The following IL1A variants were observed in gnomAD, a reference collection of about 807,000 sequenced individuals.
The protein encoded by IL1A is interleukin-1 alpha.
A neutral mutation model predicts 22.2 loss-of-function variants in IL1A; 16 were observed. The observed-to-expected ratio is 0.72, with a 90% CI of 0.49 to 1.09. The LOEUF (loss-of-function observed/expected upper bound fraction) is 1.09. Among genes scored for constraint, IL1A ranks in the 50% least tolerant of loss-of-function variants. IL1A has a pLI of 0.00. For synonymous variants in IL1A, 113 were observed against 118.5 expected (o/e 0.95, Z 0.30); for missense variants, 317 against 321.8 (o/e 0.99, Z 0.11).
intron 3 of IL1A, 79 bp downstream of exon 3, chr2:112,782,637 A>G: frequency 9.6e-7 from 1 of 1,039,348 alleles, no homozygotes; most frequent in East Asian, 2.4e-5. Flanking sequence ...TGAAGATTCA[A>G]GTCATTGCTG....
intron 4 of IL1A, among the ~76,000 whole-genome samples, chr2:112,779,922 G>A (rs1681167483): frequency 6.6e-6 from 1 of 152,110 alleles, no homozygotes; most frequent in Admixed American, 6.5e-5. Context: ...GACTATTTGT[G>A]CAACTTTTTC....
intron 4 of IL1A, among the ~76,000 whole-genome samples, chr2:112,781,306 G>A (rs1368625835): frequency 1.3e-5 from 2 of 152,158 alleles, no homozygotes; most frequent in African/African-American, 4.8e-5. Flanking sequence ...GTTAGTATGA[G>A]AGGAACATAG....
At chr2:112,779,099 T>C (rs1681149825) in intron 5 of IL1A, among the ~76,000 whole-genome samples, 1 of 152,226 alleles carries the variant, frequency 6.6e-6, no homozygotes, top group South Asian at 2.1e-4. Context: ...GTGAGTTTGA[T>C]CAACAGACTT....
In IL1A at chr2:112,779,675, A is replaced by G. The variant is rs1681162936; in HGVS notation, c.320-9T>C. ...CCTAGGCTTGATGATTTCTAAAACC[A>G]TGATCACAAGTGCAGATTAATGTCT... On this transcript the variant is annotated splice_polypyrimidine_tract_variant and intron_variant, in intron 4 of 6. Transcript: ENST00000263339. 2 of 1,592,138 alleles carry G rather than the reference A, an allele frequency of 1.3e-6. No homozygotes were observed. The highest frequency in any genetic ancestry group is 1.1e-5 in the South Asian group (1 of 89,894).
chr2:112,782,754 C>T lies in IL1A; in HGVS notation c.58G>A (p.Glu20Lys), dbSNP rs1681235609. 1.2e-6 allele frequency: 2 copies of T among 1,607,864 alleles called. No homozygotes were observed. The highest frequency in any genetic ancestry group is 3.3e-4 in the Middle Eastern group (2 of 6,054). Residue 20 changes from glutamate to lysine, a missense_variant, in exon 3 of 7, where the codon GAA (glutamate) becomes AAA (lysine). Glu to Lys is a moderately conservative substitution (Grantham distance 56). Transcript: ENST00000263339. ...AGATGATCAATGGAGGAACTGTCTTCTTCATTTTCACTGTCAAAATAAGAT... is the reference window on the plus strand; with the variant it reads ...AGATGATCAATGGAGGAACTGTCTTTTTCATTTTCACTGTCAAAATAAGAT... ...DLKNCYSENE[E>K]DSSSIDHLSL...
chr2:112,784,294 CTG>C (rs1681263646), intron 1 of IL1A, 147 bp downstream of exon 1: 1 of 152,910 alleles, frequency 6.5e-6, no homozygotes, highest in Non-Finnish European at 1.5e-5. Context: ...TGAAATCTGA[CTG>C]TAATTCTAGG....
intron 6 of IL1A, among the ~76,000 whole-genome samples, chr2:112,776,122 C>G (rs1681097758): frequency 6.6e-6 from 1 of 152,120 alleles, no homozygotes; most frequent in African/African-American, 2.4e-5. Flanking sequence ...TTTCCTTACC[C>G]CACCCCCATG....
intron 6 of IL1A, 52 bp from the exon 7 acceptor site, chr2:112,775,319 A>G: frequency 6.9e-7 from 1 of 1,446,088 alleles, no homozygotes; most frequent in Non-Finnish European, 9.7e-7. Context: ...TAGAAAAAGG[A>G]CTGAAGCTCA....
At chr2:112,778,195 TGTG>T (rs1681134196) in intron 5 of IL1A, 84 bp from the exon 6 acceptor site, 18 of 136,366 alleles carry the variant, frequency 1.3e-4, no homozygotes, top group Non-Finnish European at 2.0e-4. Context: ...GTGTGCATGG[TGTG>T]TGTGTGTGTG....
intron 4 of IL1A, among the ~76,000 whole-genome samples, chr2:112,780,512 A>G (rs756297847): frequency 5.3e-5 from 8 of 152,232 alleles, no homozygotes; most frequent in Non-Finnish European, 1.2e-4. Flanking sequence ...CTTGTACAGT[A>G]AAGGGATGGA....
chr2:112,782,747 C>T lies in IL1A; in HGVS notation c.65G>A (p.Ser22Asn), dbSNP rs755667464. The change falls in exon 3 of 7, where the codon AGT (serine) becomes AAT (asparagine). Residue 22 changes from serine (S) to asparagine (N), a missense_variant. Transcript: ENST00000263339. ...KNCYSENEED[S>N]SSIDHLSLNQ... ...CAGAGACAGATGATCAATGGAGGAA[C>T]TGTCTTCTTCATTTTCACTGTCAAA... 9.9e-6 allele frequency: 16 copies of T among 1,608,606 alleles called. No individual in the cohort carries two copies. The South Asian group carries it at 1.8e-4, about 18-fold the overall frequency.
Position 112,774,961 on chromosome 2 carries a change from A to G in IL1A, c.*106T>C. 3 of 793,612 alleles carry G rather than the reference A, an allele frequency of 3.8e-6. No individual in the cohort carries two copies. The highest frequency in any genetic ancestry group is 6.3e-6 in the Non-Finnish European group (3 of 472,984). The allele number at this position is 793,612 out of a possible 1,614,324, so 49.2% of individuals were successfully genotyped here. On this transcript the variant is annotated 3_prime_UTR_variant, in exon 7 of 7. Coordinates refer to ENST00000263339, the MANE Select transcript of IL1A (RefSeq NM_000575.5). ...ACATTCATTTAGAATTACAAGGCTC[A>G]GTACATGCTCAGCAAATGACTAACA...
At chr2:112,783,840 G>T in intron 1 of IL1A, 62 bp from the exon 2 acceptor site, 1 of 1,422,682 alleles carries the variant, frequency 7.0e-7, no homozygotes, top group Non-Finnish European at 9.9e-7. Flanking sequence ...TATCTGTGAG[G>T]GGAGCCCCTC....
rs1406929969 is a variant in IL1A at position 112,779,504 on chromosome 2, T to A, written c.482A>T (p.Asp161Val). The change falls in exon 5 of 7, where the codon GAT becomes GTT. Residue 161 changes from aspartate to valine, a missense_variant. Transcript: ENST00000263339. ...GTGCCATTTTAATGTACCTGCTTCA[T>A]CCAGATTATGTAATGCAGCAGCCGT... Reference protein sequence around the residue: ...YLTAAALHNLDEAVKFDMGAY... With the variant: ...YLTAAALHNLVEAVKFDMGAY... 2 of 1,579,328 alleles carry A rather than the reference T, an allele frequency of 1.3e-6. No homozygotes were observed. Among genetic ancestry groups the A allele is most frequent in the South Asian group, 2.3e-5 (2 of 88,886 alleles).
chr2:112,782,823 A>G (rs1050537964), intron 2 of IL1A, 59 bp from the exon 3 acceptor site: 21 of 1,210,464 alleles, frequency 1.7e-5, no homozygotes, highest in Admixed American at 1.0e-4. Flanking sequence ...TCTCTGGCCA[A>G]TGTACTTTAA....
At chr2:112,782,421 G>A (rs543600589) in intron 3 of IL1A, among the ~76,000 whole-genome samples, 3 of 152,320 alleles carry the variant, frequency 2.0e-5, no homozygotes, top group East Asian at 1.9e-4. Flanking sequence ...CTGGTGAAGC[G>A]GCCTGCGGGG....
chr2:112,774,896 T>C lies in IL1A; in HGVS notation c.*171A>G, dbSNP rs1360561345. The stretch of plus-strand genomic sequence containing the variant: ...ATAGGGTGTTCTTTAAATAACAACA[T>C]TATATGTTAGTGTTGGTTCCACTCT... On this transcript the variant is annotated 3_prime_UTR_variant, in exon 7 of 7. Transcript: ENST00000263339. 4 of 590,364 alleles carry C rather than the reference T, an allele frequency of 6.8e-6. No homozygotes were observed. The East Asian group carries it at 1.1e-4, about 17-fold the overall frequency. The allele number at this position is 590,364 out of a possible 1,614,324, so 36.6% of individuals were successfully genotyped here. A position where few individuals can be genotyped will look rare whatever the true frequency, so the allele number is the denominator to read the frequency against.
At chr2:112,779,738 A>G (rs2104908544) in intron 4 of IL1A, 72 bp from the exon 5 acceptor site, 2 of 1,109,118 alleles carry the variant, frequency 1.8e-6, no homozygotes, top group Non-Finnish European at 1.3e-6. Flanking sequence ...TCTAGTACAA[A>G]CAGGGAAAAT....
At position 112,779,518 on chromosome 2, in the gene IL1A, T is replaced by C; in HGVS notation, c.468A>G (p.Ala156=). 6.3e-7 allele frequency: 1 copy of C among 1,596,802 alleles called. No homozygotes were observed. The highest frequency in any genetic ancestry group is 8.6e-7 in the Non-Finnish European group (1 of 1,166,242). Residue 156 remains alanine (A), a synonymous_variant, in exon 5 of 7, where the codon GCA becomes GCG. Coordinates refer to ENST00000263339, the MANE Select transcript of IL1A (RefSeq NM_000575.5). ...RANDQYLTAA[A]LHNLDEAVKF... is the part of the protein sequence containing the mutation. The stretch of plus-strand genomic sequence containing the variant: ...TACCTGCTTCATCCAGATTATGTAA[T>C]GCAGCAGCCGTGAGGTACTGATCAT...
Sources: gnomAD v4.1 joint callset for allele counts (sites outside exome capture counted in the v4.1 genomes callset) on GRCh38, gnomAD v4.1.1 for gene constraint, MANE v1.5 for transcripts, NCBI Gene and HGNC (gene_info 2026-07-23, HGNC 2026-07-21) for gene names.